IMMP2L: variants seen among roughly 807,000 people sequenced by gnomAD.
The protein encoded by IMMP2L is mitochondrial inner membrane protease subunit 2.
Under a neutral mutation model 19.3 loss-of-function variants are expected in IMMP2L, and 18 were observed. That is an observed-to-expected ratio of 0.93 (90% CI 0.64 to 1.38). The LOEUF (loss-of-function observed/expected upper bound fraction) is 1.38. Ranked by LOEUF, IMMP2L falls within the 40% of genes most tolerant of loss-of-function variation. The probability of loss-of-function intolerance (pLI) is 0.00; values close to 1 mark genes in which losing one functional copy is unlikely to be tolerated. For synonymous variants in IMMP2L, 76 were observed against 73.0 expected, an observed-to-expected ratio of 1.04 and a Z score of -0.21; for missense variants, 233 against 218.2, an observed-to-expected ratio of 1.07 and a Z score of -0.43.
intron 5 of IMMP2L, among the ~76,000 whole-genome samples, chr7:110,781,523 C>T (rs73716411): frequency 0.061 from 9,312 of 151,730 alleles, 323 homozygotes; most frequent in African/African-American, 0.081. Context: ...CAAATATCTA[C>T]TCAATATTGA....
At chr7:111,301,943 A>AAAAAAC (rs1822296005) in intron 3 of IMMP2L, among the ~76,000 whole-genome samples, 2 of 141,108 alleles carry the variant, frequency 1.4e-5, no homozygotes, top group African/African-American at 5.2e-5. Context: ...AAAAAAAAAA[A>AAAAAAC]AAAAAAAACC....
At chr7:111,421,267 C>CTTTTTTTT (rs1227013257) in intron 3 of IMMP2L, among the ~76,000 whole-genome samples, 16 of 122,908 alleles carry the variant, frequency 1.3e-4, no homozygotes, top group South Asian at 5.7e-4. Context: ...TTGTTTTTTT[C>CTTTTTTTT]TTTTTTTTTT....
At chr7:111,411,258 T>A (rs1262068786) in intron 3 of IMMP2L, 1 of 189,356 alleles carries the variant, frequency 5.3e-6, no homozygotes, top group Non-Finnish European at 1.1e-5. Context: ...ACTGTGAGAC[T>A]AAAAATCATA....
intron 3 of IMMP2L, among the ~76,000 whole-genome samples, chr7:110,970,807 C>T (rs1316290762): frequency 6.6e-6 from 1 of 152,042 alleles, no homozygotes; most frequent in Non-Finnish European, 1.5e-5. Flanking sequence ...TACCACTTAA[C>T]ATCATGGAAT....
intron 3 of IMMP2L, among the ~76,000 whole-genome samples, chr7:111,408,434 C>G (rs1331078687): frequency 6.6e-6 from 1 of 151,626 alleles, no homozygotes; most frequent in Non-Finnish European, 1.5e-5. Flanking sequence ...CACATAAATA[C>G]AACTTTATTC....
intron 3 of IMMP2L, among the ~76,000 whole-genome samples, chr7:111,025,576 A>T (rs2129567737): frequency 6.6e-6 from 1 of 152,268 alleles, no homozygotes; most frequent in Non-Finnish European, 1.5e-5. Flanking sequence ...CCCTGAAAAT[A>T]AAAAATAGGT....
chr7:111,049,655 C>T (rs1792814598), intron 3 of IMMP2L, among the ~76,000 whole-genome samples: 2 of 152,120 alleles, frequency 1.3e-5, no homozygotes, highest in Admixed American at 1.3e-4. Context: ...ATTAAATTGG[C>T]TCTCTTTGTC....
At chr7:110,879,398 A>G (rs1362549742) in intron 5 of IMMP2L, among the ~76,000 whole-genome samples, 1 of 151,758 alleles carries the variant, frequency 6.6e-6, no homozygotes, top group Non-Finnish European at 1.5e-5. Flanking sequence ...AAAAAAAAAA[A>G]AGGAAGTATT....
chr7:111,126,980 A>C (rs1191350656), intron 3 of IMMP2L, among the ~76,000 whole-genome samples: 1 of 152,206 alleles, frequency 6.6e-6, no homozygotes, highest in Admixed American at 6.5e-5. Context: ...ATTTTGTGAT[A>C]GCATGGACAG....
intron 2 of IMMP2L, among the ~76,000 whole-genome samples, chr7:111,517,856 G>T (rs1177456711): frequency 1.3e-5 from 2 of 152,038 alleles, no homozygotes; most frequent in Non-Finnish European, 2.9e-5. Flanking sequence ...TGTGCATGAG[G>T]GGAATAGGTC....
intron 1 of IMMP2L, among the ~76,000 whole-genome samples, chr7:111,539,198 GAAAGAAA>G (rs1848240266): frequency 1.4e-4 from 6 of 43,290 alleles, no homozygotes; most frequent in African/African-American, 2.1e-4. Context: ...GAAGGAGGGA[GAAAGAAA>G]GAAAGAAAGA....
At chr7:111,366,369 G>A (rs1032299492) in intron 3 of IMMP2L, among the ~76,000 whole-genome samples, 2 of 150,934 alleles carry the variant, frequency 1.3e-5, no homozygotes, top group African/African-American at 2.4e-5. Flanking sequence ...AAAGAGCAAG[G>A]GCGCTGTATT....
chr7:111,500,192 G>A (rs1314215576), intron 2 of IMMP2L, among the ~76,000 whole-genome samples: 2 of 152,164 alleles, frequency 1.3e-5, no homozygotes, highest in Non-Finnish European at 2.9e-5. Context: ...CTATGCCCAT[G>A]GAGTCTCGCT....
intron 5 of IMMP2L, among the ~76,000 whole-genome samples, chr7:110,813,621 T>C (rs1339132290): frequency 1.3e-5 from 2 of 151,958 alleles, no homozygotes; most frequent in East Asian, 3.9e-4. Context: ...TGGCCTAAAA[T>C]ATTGTTTAAT....
In IMMP2L at chr7:111,163,732, G is replaced by A. The variant is rs564524951; in HGVS notation, c.240-200167C>T. Among the ~76,000 whole-genome samples, 4 of 152,162 alleles carry A rather than the reference G, an allele frequency of 2.6e-5. No individual in the cohort carries two copies. The South Asian group carries it at 8.3e-4, about 32-fold the overall frequency. On this transcript the variant is annotated intron_variant, in intron 3 of 5. Transcript: ENST00000405709. ...AGCCAGCTAGACTTGAGATGCAGTG[G>A]ATGATGCCCCAACCCAGGGACTCTC... is the stretch of plus-strand genomic sequence containing the variant.
intron 4 of IMMP2L, among the ~76,000 whole-genome samples, chr7:110,944,384 A>T (rs186913445): frequency 6.6e-6 from 1 of 152,100 alleles, no homozygotes; most frequent in African/African-American, 2.4e-5. Flanking sequence ...AGGATAAAAC[A>T]TGAACACAAG....
intron 3 of IMMP2L, among the ~76,000 whole-genome samples, chr7:111,114,287 A>T (rs1799584723): frequency 6.6e-6 from 1 of 152,180 alleles, no homozygotes; most frequent in African/African-American, 2.4e-5. Flanking sequence ...TTTATAGACT[A>T]CTTCTGATGT....
At chr7:111,252,146 G>T (rs2129632388) in intron 3 of IMMP2L, among the ~76,000 whole-genome samples, 1 of 150,618 alleles carries the variant, frequency 6.6e-6, no homozygotes, top group South Asian at 2.1e-4. Flanking sequence ...AAAAAAAAAA[G>T]TCCCCTTCTT....
At chr7:110,718,337 G>C (rs1012502359) in intron 5 of IMMP2L, among the ~76,000 whole-genome samples, 2 of 152,146 alleles carry the variant, frequency 1.3e-5, no homozygotes, top group African/African-American at 4.8e-5. Flanking sequence ...GAAGAGAGTG[G>C]TAGATATTTG....
Sources: allele counts gnomAD v4.1 joint callset (sites outside exome capture counted in the v4.1 genomes callset), GRCh38; gene constraint gnomAD v4.1.1; transcripts MANE v1.5; gene names NCBI Gene and HGNC (gene_info 2026-07-23, HGNC 2026-07-21).